Variants in ADAMTSL1 observed in about 807,000 individuals in gnomAD.
ADAMTSL1 encodes the protein ADAMTS-like protein 1.
Under a neutral mutation model 201.8 loss-of-function variants are expected in ADAMTSL1, and 126 were observed. The ratio of observed to expected loss-of-function variants is 0.62; its 90% CI spans 0.54 to 0.72. The LOEUF is 0.72. Among genes scored for constraint, ADAMTSL1 ranks in the 30% least tolerant of loss-of-function variants. ADAMTSL1 has a pLI of 0.00. For missense variants in ADAMTSL1, 2,679 were observed against 2,277.8 expected, an observed-to-expected ratio of 1.18 and a Z score of -3.59; for synonymous variants, 1,121 against 903.4, an observed-to-expected ratio of 1.24 and a Z score of -4.32.
chr9:18,541,748 G>T (rs1820163378), intron 3 of ADAMTSL1, among the ~76,000 whole-genome samples: 1 of 152,060 alleles, frequency 6.6e-6, no homozygotes, highest in African/African-American at 2.4e-5. Flanking sequence ...TCTAATATAT[G>T]TACAAACAGA....
intron 2 of ADAMTSL1, among the ~76,000 whole-genome samples, chr9:18,300,536 A>G (rs896013295): frequency 1.8e-4 from 28 of 152,164 alleles, no homozygotes; most frequent in African/African-American, 6.3e-4. Context: ...GGTGCAGCAA[A>G]CCAGCATGGT....
intron 19 of ADAMTSL1, among the ~76,000 whole-genome samples, chr9:18,784,609 G>C (rs1821592435): frequency 6.6e-6 from 1 of 152,160 alleles, no homozygotes; most frequent in African/African-American, 2.4e-5. Context: ...TGACACAACT[G>C]TGCAATTTGA....
chr9:18,365,428 A>G (rs1034130202), intron 2 of ADAMTSL1, among the ~76,000 whole-genome samples: 1 of 152,234 alleles, frequency 6.6e-6, no homozygotes, highest in Non-Finnish European at 1.5e-5. Flanking sequence ...TGATTAACAC[A>G]AAATTCAGTA....
At position 18,687,831 on chromosome 9, in the gene ADAMTSL1, T is replaced by C. The variant is rs566925131; in HGVS notation, c.1574+3031T>C. Among the ~76,000 whole-genome samples, 3 of 152,306 alleles carry C rather than the reference T, an allele frequency of 2.0e-5. No individual in the cohort carries two copies. The South Asian group carries it at 6.2e-4, about 32-fold the overall frequency. On this transcript the variant is annotated intron_variant, in intron 13 of 28. Coordinates refer to ENST00000380548, the MANE Select transcript of ADAMTSL1 (RefSeq NM_001040272.6). ...TTGCCAAGAAATAAATAACACGTTA[T>C]AGACCAGAAGAATGTACCAACAGCC...
intron 1 of ADAMTSL1, among the ~76,000 whole-genome samples, chr9:17,976,206 A>T (rs978450236): frequency 6.7e-6 from 1 of 148,476 alleles, no homozygotes; most frequent in Non-Finnish European, 1.5e-5. Flanking sequence ...CTATTTGGGG[A>T]TCTTTTGTGA....
At chr9:18,122,897 C>A (rs1825564210) in intron 1 of ADAMTSL1, among the ~76,000 whole-genome samples, 1 of 152,016 alleles carries the variant, frequency 6.6e-6, no homozygotes. Flanking sequence ...TACCTCCACA[C>A]CTGGCTAATT....
chr9:18,416,939 A>G (rs1053382485), intron 2 of ADAMTSL1, among the ~76,000 whole-genome samples: 4 of 152,078 alleles, frequency 2.6e-5, no homozygotes, highest in Non-Finnish European at 5.9e-5. Context: ...CACTCTGGAC[A>G]TTTATAGGAT....
chr9:18,777,177 G>T lies in ADAMTSL1; in HGVS notation c.2948G>T (p.Gly983Val), dbSNP rs569815791. The change falls in exon 19 of 29, where the codon GGG (glycine) becomes GTG (valine). Residue 983 changes from glycine to valine, a missense_variant. Gly to Val is a moderately radical substitution (Grantham distance 109). Transcript: ENST00000380548. ...AGAAGTGAGGAAGAGGTGCTTGCGG[G>T]GAGGAAGGGCGGCCCGAAGGAGGCC... ...SPRSEEEVLA[G>V]RKGGPKEALQ... 1.9e-6 allele frequency: 3 copies of T among 1,612,902 alleles called. No individual in the cohort carries two copies. Among genetic ancestry groups the T allele is most frequent in the South Asian group, 1.1e-5 (1 of 91,076 alleles).
intron 2 of ADAMTSL1, among the ~76,000 whole-genome samples, chr9:18,438,040 A>G (rs113312607): frequency 8.6e-4 from 131 of 152,264 alleles, no homozygotes; most frequent in African/African-American, 3.1e-3. Context: ...TGAGTCAGTG[A>G]GGAGCCAGGG....
chr9:18,594,469 T>C (rs568333226), intron 4 of ADAMTSL1, among the ~76,000 whole-genome samples: 1 of 152,314 alleles, frequency 6.6e-6, no homozygotes, highest in East Asian at 1.9e-4. Context: ...AAATATTTGC[T>C]TTTTGATGTC....
At chr9:18,419,571 A>G (rs1207212906) in intron 2 of ADAMTSL1, among the ~76,000 whole-genome samples, 1 of 152,198 alleles carries the variant, frequency 6.6e-6, no homozygotes, top group Non-Finnish European at 1.5e-5. Flanking sequence ...GGAATGGATA[A>G]ACAGACTGGT....
chr9:18,113,107 C>T (rs903176207), intron 1 of ADAMTSL1, among the ~76,000 whole-genome samples: 21 of 151,962 alleles, frequency 1.4e-4, no homozygotes, highest in Admixed American at 9.8e-4. Context: ...TGAGCGAATA[C>T]GGGGTACTCA....
chr9:18,662,618 G>A (rs947803782), intron 9 of ADAMTSL1, among the ~76,000 whole-genome samples: 2 of 152,050 alleles, frequency 1.3e-5, no homozygotes, highest in African/African-American at 4.8e-5. Flanking sequence ...ACTTATTCTC[G>A]GTAGTCAGAT....
intron 23 of ADAMTSL1, among the ~76,000 whole-genome samples, chr9:18,860,513 A>AG (rs2131413790): frequency 6.6e-6 from 1 of 152,174 alleles, no homozygotes; most frequent in South Asian, 2.1e-4. Context: ...GCCCTTAAAA[A>AG]AAAAAAAAAT....
At chr9:18,370,964 A>T (rs569937775) in intron 2 of ADAMTSL1, among the ~76,000 whole-genome samples, 2 of 152,312 alleles carry the variant, frequency 1.3e-5, no homozygotes, top group African/African-American at 4.8e-5. Context: ...TCTGATTGTT[A>T]CAAGACGCTG....
intron 15 of ADAMTSL1, among the ~76,000 whole-genome samples, chr9:18,733,935 A>G (rs781637524): frequency 6.6e-6 from 1 of 151,856 alleles, no homozygotes; most frequent in African/African-American, 2.4e-5. Flanking sequence ...AACTCAGCTA[A>G]GAATTAGGAA....
chr9:18,759,131 A>G (rs1040156337), intron 16 of ADAMTSL1, among the ~76,000 whole-genome samples: 5 of 152,186 alleles, frequency 3.3e-5, no homozygotes, highest in African/African-American at 1.2e-4. Flanking sequence ...CATGTTGCAC[A>G]CATCTGTGCA....
intron 1 of ADAMTSL1, among the ~76,000 whole-genome samples, chr9:18,088,606 A>T (rs1289205937): frequency 2.0e-5 from 3 of 152,218 alleles, no homozygotes; most frequent in Non-Finnish European, 4.4e-5. Context: ...CATACAAATG[A>T]TCAACAGGTA....
intron 2 of ADAMTSL1, among the ~76,000 whole-genome samples, chr9:18,376,602 C>G (rs909636891): frequency 1.3e-5 from 2 of 151,930 alleles, no homozygotes; most frequent in Non-Finnish European, 2.9e-5. Flanking sequence ...GTCAGGAGTT[C>G]GAGACAAGCC....
Sources: allele counts gnomAD v4.1 joint callset (sites outside exome capture counted in the v4.1 genomes callset), GRCh38; gene constraint gnomAD v4.1.1; transcripts MANE v1.5; gene names NCBI Gene and HGNC (gene_info 2026-07-23, HGNC 2026-07-21).